Variants in STK32B observed in about 807,000 individuals in gnomAD.
STK32B encodes serine/threonine kinase 32B, also known as serine/threonine-protein kinase 32B.
STK32B carries 43 observed loss-of-function variants against 52.6 expected under a neutral mutation model. The ratio of observed to expected loss-of-function variants is 0.82; its 90% CI spans 0.64 to 1.05. STK32B has a LOEUF of 1.05. STK32B is among the 50% of genes least tolerant of loss of function. The pLI is 0.00. For missense variants in STK32B, 621 were observed against 534.6 expected, an observed-to-expected ratio of 1.16 and a Z score of -1.59; for synonymous variants, 238 against 204.3, an observed-to-expected ratio of 1.17 and a Z score of -1.41.
At chr4:5,031,480 T>G in the STK32B span, among the ~76,000 whole-genome samples, 1 of 151,992 alleles carries the variant, frequency 6.6e-6, no homozygotes, top group East Asian at 1.9e-4. Flanking sequence ...GTGCCTGTGG[T>G]CCTAGCTACT....
chr4:5,034,996 G>C, the STK32B span, among the ~76,000 whole-genome samples: 1 of 152,110 alleles, frequency 6.6e-6, no homozygotes, highest in East Asian at 1.9e-4. Context: ...ATTTTGTTCT[G>C]GAGTCCCAGA....
chr4:5,464,661 T>G (rs1382916984), intron 9 of STK32B, among the ~76,000 whole-genome samples: 1 of 152,224 alleles, frequency 6.6e-6, no homozygotes, highest in Non-Finnish European at 1.5e-5. Context: ...TAACTTTGTG[T>G]GACTTATCTT....
chr4:5,323,083 CA>C (rs1731626136), intron 3 of STK32B, among the ~76,000 whole-genome samples: 1 of 152,118 alleles, frequency 6.6e-6, no homozygotes, highest in Admixed American at 6.5e-5. Flanking sequence ...AAGGGATGAG[CA>C]GGGGGTCTGT....
the STK32B span, among the ~76,000 whole-genome samples, chr4:5,027,980 G>A: frequency 6.6e-6 from 1 of 152,226 alleles, no homozygotes; most frequent in Non-Finnish European, 1.5e-5. Flanking sequence ...GACATCATCA[G>A]CTGCCCTGCG....
At chr4:5,360,103 G>A (rs889486844) in intron 4 of STK32B, among the ~76,000 whole-genome samples, 4 of 152,110 alleles carry the variant, frequency 2.6e-5, no homozygotes, top group African/African-American at 9.7e-5. Context: ...GAGATCAGAG[G>A]AATATTCCAA....
At chr4:5,077,591 A>G (rs1233425255) in intron 1 of STK32B, among the ~76,000 whole-genome samples, 1 of 152,112 alleles carries the variant, frequency 6.6e-6, no homozygotes, top group Non-Finnish European at 1.5e-5. Context: ...CCTTTTCCCA[A>G]GATCTCTTCT....
At chr4:5,303,378 G>T (rs1266245682) in intron 3 of STK32B, among the ~76,000 whole-genome samples, 1 of 151,990 alleles carries the variant, frequency 6.6e-6, no homozygotes, top group African/African-American at 2.4e-5. Context: ...GGCCATTCTT[G>T]TCAGAGTGAT....
intron 3 of STK32B, among the ~76,000 whole-genome samples, chr4:5,264,776 G>A (rs536927322): frequency 6.6e-6 from 1 of 150,410 alleles, no homozygotes; most frequent in African/African-American, 2.5e-5. Context: ...AACAGAGCGA[G>A]ACTCCATCTC....
At chr4:5,286,331 T>G (rs1236394700) in intron 3 of STK32B, among the ~76,000 whole-genome samples, 1 of 152,152 alleles carries the variant, frequency 6.6e-6, no homozygotes, top group African/African-American at 2.4e-5. Context: ...TAATATAAGT[T>G]TTATGGAAGT....
intron 4 of STK32B, among the ~76,000 whole-genome samples, chr4:5,349,099 G>A (rs564519848): frequency 1.4e-5 from 2 of 147,058 alleles, no homozygotes; most frequent in African/African-American, 2.6e-5. Context: ...CTACTCAGGA[G>A]CTTGAGAACC....
the STK32B span, among the ~76,000 whole-genome samples, chr4:5,029,344 A>T: frequency 6.6e-6 from 1 of 152,318 alleles, no homozygotes; most frequent in African/African-American, 2.4e-5. Flanking sequence ...AATCACACAA[A>T]CACTTTTAAA....
chr4:5,374,974 C>T (rs1735491769), intron 4 of STK32B, among the ~76,000 whole-genome samples: 1 of 152,178 alleles, frequency 6.6e-6, no homozygotes, highest in Non-Finnish European at 1.5e-5. Context: ...AATTGAGACT[C>T]CTCTTTGAGG....
At chr4:5,204,014 C>T (rs1328030030) in intron 3 of STK32B, 3 of 152,218 alleles carry the variant, frequency 2.0e-5, no homozygotes, top group Admixed American at 2.0e-4. Context: ...TCCAGAGCAC[C>T]TGGTTTGATC....
intron 3 of STK32B, among the ~76,000 whole-genome samples, chr4:5,286,964 A>C (rs551494538): frequency 6.6e-5 from 10 of 151,868 alleles, no homozygotes; most frequent in African/African-American, 2.4e-4. Flanking sequence ...CGCCAGGCTA[A>C]TTTTTGTATT....
At chr4:5,466,993 GA>G (rs779353021) in intron 10 of STK32B, among the ~76,000 whole-genome samples, 159 bp downstream of exon 10, 6 of 152,178 alleles carry the variant, frequency 3.9e-5, no homozygotes, top group Non-Finnish European at 7.4e-5. Context: ...CAAGTAGGGG[GA>G]AAGAGTGAAG....
chr4:5,240,627 T>A (rs1205983908), intron 3 of STK32B, among the ~76,000 whole-genome samples: 1 of 152,046 alleles, frequency 6.6e-6, no homozygotes, highest in African/African-American at 2.4e-5. Context: ...ACCCAGCTAA[T>A]TTTTGTATTT....
chr4:5,357,437 A>T (rs73211160), intron 4 of STK32B, among the ~76,000 whole-genome samples: 1 of 152,296 alleles, frequency 6.6e-6, no homozygotes, highest in Non-Finnish European at 1.5e-5. Context: ...GTGCCAGGTC[A>T]GAGTACAGAA....
chr4:5,437,894 G>C (rs553186812), intron 6 of STK32B: 1 of 984,052 alleles, frequency 1.0e-6, no homozygotes, highest in Non-Finnish European at 1.2e-6. Flanking sequence ...GTGGCATAGG[G>C]ATTATGATAT....
intron 3 of STK32B, among the ~76,000 whole-genome samples, chr4:5,189,449 C>T (rs923127620): frequency 2.0e-5 from 3 of 152,122 alleles, no homozygotes; most frequent in Admixed American, 6.5e-5. Flanking sequence ...TAGCAATATG[C>T]GTTTTAGTTT....
Sources: gnomAD v4.1 joint callset for allele counts (sites outside exome capture counted in the v4.1 genomes callset) on GRCh38, gnomAD v4.1.1 for gene constraint, MANE v1.5 for transcripts, NCBI Gene and HGNC (gene_info 2026-07-23, HGNC 2026-07-21) for gene names.